Variants in TRAPPC9 observed in about 807,000 individuals in gnomAD.
The protein encoded by TRAPPC9 is trafficking protein particle complex subunit 9.
A neutral mutation model predicts 124.0 loss-of-function variants in TRAPPC9; 83 were observed. That is an observed-to-expected ratio of 0.67 (90% confidence interval 0.56 to 0.80). The LOEUF (loss-of-function observed/expected upper bound fraction) is 0.80, where lower values mean the gene tolerates loss of function less well. Among genes scored for constraint, TRAPPC9 ranks in the 30% least tolerant of loss-of-function variants. The probability of loss-of-function intolerance (pLI) is 0.00; values close to 1 mark genes in which losing one functional copy is unlikely to be tolerated. For synonymous variants in TRAPPC9, 638 were observed against 617.5 expected (o/e 1.03, Z -0.49); for missense variants, 1,302 against 1,508.3 (o/e 0.86, Z 2.27).
intron 5 of TRAPPC9, among the ~76,000 whole-genome samples, chr8:140,406,470 C>A (rs941023715): frequency 1.2e-4 from 18 of 152,334 alleles, no homozygotes; most frequent in African/African-American, 4.3e-4. Context: ...ATGAGCCTGC[C>A]ACCCATCTGT....
intron 19 of TRAPPC9, among the ~76,000 whole-genome samples, chr8:139,973,122 C>T (rs931220230): frequency 2.0e-5 from 3 of 152,222 alleles, no homozygotes; most frequent in Non-Finnish European, 2.9e-5. Flanking sequence ...AGAAAAAGTA[C>T]GTCCCAGTTA....
chr8:140,120,665 C>A (rs958442747), intron 17 of TRAPPC9, among the ~76,000 whole-genome samples: 2 of 145,994 alleles, frequency 1.4e-5, no homozygotes, highest in East Asian at 4.2e-4. Context: ...CATCCATCCA[C>A]CCATCCATCC....
At chr8:139,811,457 A>C (rs1028871167) in intron 21 of TRAPPC9, among the ~76,000 whole-genome samples, 7 of 152,234 alleles carry the variant, frequency 4.6e-5, no homozygotes, top group African/African-American at 1.7e-4. Flanking sequence ...GAAATGGCCC[A>C]CTGAGGGCCT....
intron 20 of TRAPPC9, among the ~76,000 whole-genome samples, chr8:139,895,979 C>T (rs1830644654): frequency 6.6e-6 from 1 of 152,242 alleles, no homozygotes; most frequent in African/African-American, 2.4e-5. Context: ...GCAAGTCCGC[C>T]TGTGAGTAAT....
chr8:139,759,102 C>T (rs1820050957), intron 21 of TRAPPC9, among the ~76,000 whole-genome samples: 1 of 152,214 alleles, frequency 6.6e-6, no homozygotes, highest in South Asian at 2.1e-4. Flanking sequence ...GCTCCACCCA[C>T]AGCCCTCTGA....
intron 15 of TRAPPC9, among the ~76,000 whole-genome samples, chr8:140,262,385 A>C (rs558336769): frequency 3.3e-5 from 5 of 152,140 alleles, no homozygotes; most frequent in Non-Finnish European, 7.3e-5. Context: ...GTTGAACATG[A>C]CAGGTCTCAC....
intron 17 of TRAPPC9, among the ~76,000 whole-genome samples, chr8:140,183,862 A>AAAGAAG (rs1173930930): frequency 9.8e-5 from 3 of 30,634 alleles, no homozygotes; most frequent in African/African-American, 3.0e-4. Flanking sequence ...CAAAAAAAAA[A>AAAGAAG]AAGAAGAAGA....
chr8:140,156,083 C>G (rs1165706642), intron 17 of TRAPPC9, among the ~76,000 whole-genome samples: 1 of 152,198 alleles, frequency 6.6e-6, no homozygotes, highest in Non-Finnish European at 1.5e-5. Flanking sequence ...CAGCTCACTC[C>G]TTGCTAAATG....
intron 21 of TRAPPC9, among the ~76,000 whole-genome samples, chr8:139,835,752 G>A (rs1414911339): frequency 1.3e-5 from 2 of 149,488 alleles, no homozygotes; most frequent in Non-Finnish European, 3.0e-5. Context: ...ACATGAGAGG[G>A]AAAGCTGAAG....
chr8:140,343,629 C>T (rs1344181247), intron 9 of TRAPPC9, among the ~76,000 whole-genome samples: 1 of 152,142 alleles, frequency 6.6e-6, no homozygotes, highest in African/African-American at 2.4e-5. Context: ...CAAAGACCCA[C>T]AGAAGCCCTT....
At position 139,954,416 on chromosome 8, in the gene TRAPPC9, C is replaced by A. The variant is rs184487575; in HGVS notation, c.2810+34310G>T. ...AGCCTTTAGGAGGTAACTATGGTTACGTGTGATCATAAGGGTGGGCCCTCA... is the reference window on the plus strand; with the variant it reads ...AGCCTTTAGGAGGTAACTATGGTTAAGTGTGATCATAAGGGTGGGCCCTCA... On this transcript the variant is annotated intron_variant, in intron 19 of 22. Transcript: ENST00000438773. 3.4e-4 allele frequency among the ~76,000 whole-genome samples: 52 copies of A among 152,182 alleles called. 1 individual carries two copies. Among genetic ancestry groups the A allele is most frequent in the African/African-American group, 1.2e-3 (51 of 41,526 alleles).
At chr8:139,848,240 G>A (rs1022628704) in intron 21 of TRAPPC9, among the ~76,000 whole-genome samples, 3 of 152,338 alleles carry the variant, frequency 2.0e-5, no homozygotes, top group Admixed American at 6.5e-5. Context: ...CATCACACGC[G>A]AGGGGCACTT....
intron 21 of TRAPPC9, among the ~76,000 whole-genome samples, chr8:139,819,296 C>T (rs1478664540): frequency 1.3e-5 from 2 of 152,182 alleles, no homozygotes; most frequent in Non-Finnish European, 2.9e-5. Flanking sequence ...AAGGCTCCCA[C>T]TGATACTACA....
intron 15 of TRAPPC9, among the ~76,000 whole-genome samples, chr8:140,274,723 C>G (rs1396782341): frequency 6.6e-6 from 1 of 152,214 alleles, no homozygotes; most frequent in Non-Finnish European, 1.5e-5. Context: ...GGGTCTGTGG[C>G]TCTACCTCTA....
chr8:140,107,891 C>A (rs1329773512), intron 17 of TRAPPC9, among the ~76,000 whole-genome samples: 1 of 151,692 alleles, frequency 6.6e-6, no homozygotes, highest in Non-Finnish European at 1.5e-5. Context: ...CTGGCAGTTT[C>A]CATCTTGCCC....
intron 19 of TRAPPC9, chr8:139,931,620 T>G (rs773340476): frequency 6.6e-6 from 1 of 152,450 alleles, no homozygotes; most frequent in South Asian, 2.1e-4. Flanking sequence ...TTTCTCTGCA[T>G]GCTACGGGGC....
Position 140,252,661 on chromosome 8 carries a change from T to G in TRAPPC9, c.2431+116A>C. On this transcript the variant is annotated intron_variant, in intron 16 of 22. Coordinates refer to ENST00000438773, the MANE Select transcript of TRAPPC9 (RefSeq NM_001160372.4). This position sits in a 1 kb window ranked among gnomAD's most constrained non-coding sequence, Gnocchi z 4.2. ...TGCCCAGGAGATGTCTCAGGCAGCTTGAGTTAATGAATGACAAGTGAGTTA... is the reference window on the plus strand; with the variant it reads ...TGCCCAGGAGATGTCTCAGGCAGCTGGAGTTAATGAATGACAAGTGAGTTA... 1.6e-6 allele frequency: 2 copies of G among 1,244,020 alleles called. No homozygotes were observed. The highest frequency in any genetic ancestry group is 1.2e-6 in the Non-Finnish European group (1 of 861,588). The allele number at this position is 1,244,020 out of a possible 1,614,324, so 77.1% of individuals were successfully genotyped here. A position where few individuals can be genotyped will look rare whatever the true frequency, so the allele number is the denominator to read the frequency against.
chr8:140,056,553 A>G (rs1842299254), intron 17 of TRAPPC9, among the ~76,000 whole-genome samples: 1 of 152,114 alleles, frequency 6.6e-6, no homozygotes, highest in African/African-American at 2.4e-5. Context: ...CCAAGAATAC[A>G]CAATGGGGGA....
At chr8:140,374,233 G>A (rs144440705) in intron 7 of TRAPPC9, among the ~76,000 whole-genome samples, 1 of 152,188 alleles carries the variant, frequency 6.6e-6, no homozygotes, top group African/African-American at 2.4e-5. Flanking sequence ...CCCAGTGCTG[G>A]AGGACAGCAG....
Sources: allele counts gnomAD v4.1 joint callset (sites outside exome capture counted in the v4.1 genomes callset), GRCh38; gene constraint gnomAD v4.1.1; non-coding constraint Gnocchi (gnomAD v3.1); transcripts MANE v1.5; gene names NCBI Gene and HGNC (gene_info 2026-07-23, HGNC 2026-07-21).